The following ITCH variants were observed in gnomAD, a reference collection of about 807,000 sequenced individuals.
The protein encoded by ITCH is itchy E3 ubiquitin protein ligase, also known as E3 ubiquitin-protein ligase Itchy homolog.
ITCH carries 28 observed loss-of-function variants against 126.8 expected under a neutral mutation model. The observed-to-expected ratio is 0.22, with a 90% CI of 0.16 to 0.30. The LOEUF is 0.30. Among genes scored for constraint, ITCH ranks in the 10% least tolerant of loss-of-function variants. The probability of loss-of-function intolerance (pLI) is 1.00; values close to 1 mark genes in which losing one functional copy is unlikely to be tolerated. For synonymous variants in ITCH, 342 were observed against 340.0 expected, an observed-to-expected ratio of 1.01 and a Z score of -0.06; for missense variants, 631 against 1,032.4, an observed-to-expected ratio of 0.61 and a Z score of 5.33.
intron 7 of ITCH, among the ~76,000 whole-genome samples, chr20:34,435,481 T>C (rs1477348545): frequency 1.3e-5 from 2 of 152,166 alleles, no homozygotes; most frequent in East Asian, 3.8e-4. Context: ...TTTCTTCTTT[T>C]TAATAAGAGG....
chr20:34,458,916 G>A (rs1367243126), intron 13 of ITCH, among the ~76,000 whole-genome samples: 1 of 152,190 alleles, frequency 6.6e-6, no homozygotes. Flanking sequence ...CATTTGGAGG[G>A]AGGACACAGT....
At chr20:34,378,600 A>G (rs1327598260) in intron 2 of ITCH, among the ~76,000 whole-genome samples, 2 of 152,028 alleles carry the variant, frequency 1.3e-5, no homozygotes, top group Non-Finnish European at 2.9e-5. Context: ...ATTGCCTGTC[A>G]TAGAAATGCA....
At chr20:34,376,950 C>G (rs562696924) in intron 2 of ITCH, among the ~76,000 whole-genome samples, 1 of 152,290 alleles carries the variant, frequency 6.6e-6, no homozygotes, top group African/African-American at 2.4e-5. Context: ...TGGGAAGATA[C>G]TGTGTACAGG....
intron 3 of ITCH, among the ~76,000 whole-genome samples, chr20:34,401,920 T>C (rs2038900151): frequency 6.6e-6 from 1 of 152,116 alleles, no homozygotes; most frequent in Non-Finnish European, 1.5e-5. Flanking sequence ...ACTAATCACT[T>C]TTCTGACAAT....
In ITCH at chr20:34,507,129, A is replaced by G. The variant is rs983577416; in HGVS notation, c.2490-566A>G. On this transcript the variant is annotated intron_variant, in intron 24 of 24. Transcript: ENST00000374864. ...AATTCCTTGATCATGTAGTAATTCT[A>G]TTTTTAATTTTTTGGGGGAATCTCG... 5.3e-5 allele frequency among the ~76,000 whole-genome samples: 8 copies of G among 152,158 alleles called. No homozygotes were observed. In the East Asian group the frequency reaches 7.7e-4, roughly 15 times the overall value.
chr20:34,475,405 C>A (rs903945052), intron 16 of ITCH, among the ~76,000 whole-genome samples: 1 of 152,220 alleles, frequency 6.6e-6, no homozygotes, highest in African/African-American at 2.4e-5. Context: ...GCAATCCCGG[C>A]ACCTCGGGAG....
chr20:34,435,465 G>A (rs906579016), intron 7 of ITCH, among the ~76,000 whole-genome samples: 1 of 151,942 alleles, frequency 6.6e-6, no homozygotes, highest in African/African-American at 2.4e-5. Flanking sequence ...CACTGCAGCC[G>A]GCCGATTTCT....
At chr20:34,471,672 G>T (rs1006739529) in intron 16 of ITCH, among the ~76,000 whole-genome samples, 157 bp downstream of exon 16, 5 of 117,776 alleles carry the variant, frequency 4.2e-5, no homozygotes, top group African/African-American at 1.6e-4. Context: ...AGGGCTTAAG[G>T]GGTGTGTGTG....
At chr20:34,476,424 G>A (rs1248428501) in intron 16 of ITCH, 15 of 1,235,156 alleles carry the variant, frequency 1.2e-5, no homozygotes, top group East Asian at 3.3e-5. Context: ...CCGGGTCGCC[G>A]AGGACCGCAG....
chr20:34,499,120 G>C (rs539462967), intron 23 of ITCH, among the ~76,000 whole-genome samples: 1 of 151,352 alleles, frequency 6.6e-6, no homozygotes, highest in East Asian at 1.9e-4. Context: ...GACTACAGGC[G>C]CCTGCCACCA....
intron 3 of ITCH, among the ~76,000 whole-genome samples, chr20:34,398,521 C>T (rs1043357327): frequency 4.6e-5 from 7 of 151,856 alleles, no homozygotes; most frequent in African/African-American, 1.4e-4. Context: ...GCCTCAGCCT[C>T]CCAGATAGCT....
rs1449247879 is a variant in ITCH, at chr20:34,509,691, T to C, written c.*1897T>C. Reference sequence around the variant, plus strand: ...GTTAAAAGTAGGGACTCTGCCTTTTTGTTGGTAGGGAGAAAAAACGCTATT... The same window carrying C: ...GTTAAAAGTAGGGACTCTGCCTTTTCGTTGGTAGGGAGAAAAAACGCTATT... On this transcript the variant is annotated 3_prime_UTR_variant, in exon 25 of 25. Transcript: ENST00000374864. 6.6e-6 allele frequency: 1 copy of C among 152,610 alleles called. No individual in the cohort carries two copies. Among genetic ancestry groups the C allele is most frequent in the Non-Finnish European group, 1.5e-5 (1 of 68,042 alleles). The allele number at this position is 152,610 out of a possible 1,614,324, so 9.5% of individuals were successfully genotyped here.
intron 2 of ITCH, among the ~76,000 whole-genome samples, chr20:34,382,452 G>T (rs945427779): frequency 2.0e-5 from 3 of 152,232 alleles, no homozygotes; most frequent in Non-Finnish European, 4.4e-5. Flanking sequence ...TGTCACCCAG[G>T]CTGGAGTGCA....
At chr20:34,369,331 C>CAAAA (rs1272252312) in intron 1 of ITCH, 63 bp from the exon 2 acceptor site, 3 of 107,126 alleles carry the variant, frequency 2.8e-5, no homozygotes, top group Non-Finnish European at 3.0e-5. Context: ...GACTCCATCT[C>CAAAA]AAAAACAAAC....
At position 34,510,444 on chromosome 20, in the gene ITCH, T is replaced by A. The variant is rs1569928; in HGVS notation, c.*2650T>A. The A allele has an allele frequency of 1.7e-3, 2 of 1,170 alleles. No homozygotes were observed. Among genetic ancestry groups the A allele is most frequent in the African/African-American group, 6.9e-3 (2 of 288 alleles). 0.1% of individuals were successfully genotyped at this position (1,170 alleles called of 1,614,324 possible). On this transcript the variant is annotated 3_prime_UTR_variant, in exon 25 of 25. Coordinates refer to ENST00000374864, the MANE Select transcript of ITCH (RefSeq NM_031483.7). ...TGTAAATGCTAATAAATCCTGTTAA[T>A]TTTTTTTTTTTTTTTTTTTTTTTTT...
chr20:34,445,629 C>T (rs1459674088), intron 11 of ITCH, among the ~76,000 whole-genome samples, 168 bp downstream of exon 11: 2 of 152,130 alleles, frequency 1.3e-5, no homozygotes, highest in African/African-American at 4.8e-5. Context: ...TGTGTGTGAT[C>T]TAGTTTTTCC....
rs11482479 is a variant in ITCH, at chr20:34,368,421, G to GTT, written c.-98-963_-98-962dup. 7.8e-3 allele frequency among the ~76,000 whole-genome samples: 1,166 copies of GTT among 148,554 alleles called. 14 individuals carry two copies. Among genetic ancestry groups the GTT allele is most frequent in the African/African-American group, 0.024 (990 of 40,714 alleles). On this transcript the variant is annotated intron_variant, in intron 1 of 24. Coordinates refer to ENST00000374864, the MANE Select transcript of ITCH (RefSeq NM_031483.7). ...AAGAATTAAGACAAAAGTATGTAAG[G>GTT]TTTTTTTTTTTGTATTTATAGTACT...
intron 2 of ITCH, chr20:34,384,279 C>CTT (rs35124886): frequency 0.019 from 1,995 of 103,802 alleles, 121 homozygotes; most frequent in East Asian, 0.11. Context: ...GCCTGTAATT[C>CTT]TTTTTTTTTT....
In ITCH at chr20:34,477,796, C is replaced by T. The variant is rs1160501052; in HGVS notation, c.1594C>T (p.Leu532=). ...GATAATGAGCTTCAGTCCCCAAGAT[C>T]TGCGAAGACGTTTGTGGGTGATTTT... ...QQIMSFSPQD[L]RRRLWVIFPG... Residue 532 remains leucine, a synonymous_variant, in exon 17 of 25, where the codon CTG becomes TTG. Coordinates refer to ENST00000374864, the MANE Select transcript of ITCH (RefSeq NM_031483.7). 6.2e-7 allele frequency: 1 copy of T among 1,613,506 alleles called. No individual in the cohort carries two copies. Among genetic ancestry groups the T allele is most frequent in the African/African-American group, 1.3e-5 (1 of 74,818 alleles).
Sources: gnomAD v4.1 joint callset for allele counts (sites outside exome capture counted in the v4.1 genomes callset) on GRCh38, gnomAD v4.1.1 for gene constraint, MANE v1.5 for transcripts, NCBI Gene and HGNC (gene_info 2026-07-23, HGNC 2026-07-21) for gene names.